The following POLR2F variants were observed in gnomAD, a reference collection of about 807,000 sequenced individuals.
POLR2F encodes the protein DNA-directed RNA polymerases I, II, and III subunit RPABC2.
POLR2F carries 12 observed loss-of-function variants against 22.7 expected under a neutral mutation model. That is an observed-to-expected ratio of 0.53 (90% CI 0.34 to 0.86). The LOEUF (loss-of-function observed/expected upper bound fraction) is 0.86, where lower values mean the gene tolerates loss of function less well. POLR2F is among the 40% of genes least tolerant of loss of function. The probability of loss-of-function intolerance (pLI) is 0.02; values close to 1 mark genes in which losing one functional copy is unlikely to be tolerated. For missense variants in POLR2F, 126 were observed against 171.5 expected, an observed-to-expected ratio of 0.73 and a Z score of 1.48; for synonymous variants, 57 against 66.0, an observed-to-expected ratio of 0.86 and a Z score of 0.66.
At chr22:38,038,419 C>T (rs2085137118) in intron 5 of POLR2F, among the ~76,000 whole-genome samples, 1 of 152,154 alleles carries the variant, frequency 6.6e-6, no homozygotes, top group Admixed American at 6.5e-5. Flanking sequence ...GGCCGGGTCA[C>T]AGGGCGGCTG....
At chr22:38,032,367 A>G (rs1197642456) in intron 5 of POLR2F, 1 of 152,346 alleles carries the variant, frequency 6.6e-6, no homozygotes, top group Non-Finnish European at 1.5e-5. Flanking sequence ...TCTTCCCAGG[A>G]GAGCTCTGGA....
At chr22:37,992,333 A>T (rs1655703995) in intron 1 of POLR2F, among the ~76,000 whole-genome samples, 1 of 151,948 alleles carries the variant, frequency 6.6e-6, no homozygotes, top group Non-Finnish European at 1.5e-5. Context: ...CAGCTTGGGG[A>T]TCTGCCGCCA....
intron 1 of POLR2F, chr22:38,025,773 G>A (rs754203934): frequency 1.2e-5 from 19 of 1,551,918 alleles, no homozygotes; most frequent in African/African-American, 2.7e-5. Context: ...CAGGATCCAG[G>A]GCACTCAATC....
intron 3 of POLR2F, among the ~76,000 whole-genome samples, chr22:37,959,991 A>C (rs1167163871): frequency 6.6e-6 from 1 of 151,596 alleles, no homozygotes; most frequent in African/African-American, 2.4e-5. Flanking sequence ...TTTAATAGAG[A>C]CGGGGTCTCG....
At chr22:37,998,075 T>G (rs2145795564) in intron 1 of POLR2F, among the ~76,000 whole-genome samples, 1 of 152,136 alleles carries the variant, frequency 6.6e-6, no homozygotes, top group Admixed American at 6.6e-5. Flanking sequence ...TGGAGGGGTA[T>G]GTTCTTCCCC....
chr22:37,982,909 T>G (rs747216997), upstream of POLR2F, among the ~76,000 whole-genome samples: 1 of 152,170 alleles, frequency 6.6e-6, no homozygotes, highest in East Asian at 1.9e-4. Flanking sequence ...TCTTTAAACC[T>G]CCCCTGAGTT....
chr22:38,033,230 G>A (rs2085083049), intron 5 of POLR2F: 1 of 152,124 alleles, frequency 6.6e-6, no homozygotes, highest in South Asian at 2.1e-4. Context: ...TTTGCACAGA[G>A]CTGTCCTCCC....
intron 1 of POLR2F, among the ~76,000 whole-genome samples, chr22:37,999,234 A>G (rs1171641223): frequency 1.3e-5 from 2 of 151,966 alleles, no homozygotes; most frequent in African/African-American, 4.8e-5. Context: ...CCTGAGTTGT[A>G]CCCTCTGTCC....
downstream of POLR2F, among the ~76,000 whole-genome samples, chr22:38,026,966 GGTGGGTGGATGGACGGGGAGGGGC>G (rs2085017678): frequency 1.3e-5 from 2 of 152,146 alleles, no homozygotes; most frequent in Non-Finnish European, 2.9e-5. Flanking sequence ...AGTGTGTGTG[GGTGGGTGGATGGACGGGGAGGGGC>G]GTGCATGGAG....
chr22:37,990,492 C>T (rs1258399528), intron 1 of POLR2F, among the ~76,000 whole-genome samples: 3 of 152,278 alleles, frequency 2.0e-5, no homozygotes, highest in Admixed American at 2.0e-4. Context: ...CTGGCGTCTG[C>T]CCTGAGCCTC....
chr22:38,029,044 C>T (rs1368000891), downstream of POLR2F, among the ~76,000 whole-genome samples: 1 of 152,106 alleles, frequency 6.6e-6, no homozygotes, highest in Non-Finnish European at 1.5e-5. Flanking sequence ...GAGAAGAGAA[C>T]ACCCTGAAAA....
intron 1 of POLR2F, among the ~76,000 whole-genome samples, chr22:37,999,146 C>G (rs1004228585): frequency 3.3e-5 from 5 of 152,142 alleles, no homozygotes; most frequent in African/African-American, 1.2e-4. Flanking sequence ...CCAGTCTGCC[C>G]CCATCTTTGC....
chr22:38,027,287 CA>C (rs2085022013), downstream of POLR2F, among the ~76,000 whole-genome samples: 1 of 152,150 alleles, frequency 6.6e-6, no homozygotes, highest in Non-Finnish European at 1.5e-5. Flanking sequence ...TCTAGGAAAG[CA>C]CGCTGAGTTC....
downstream of POLR2F, among the ~76,000 whole-genome samples, chr22:38,030,589 G>A (rs574543961): frequency 1.6e-4 from 24 of 152,306 alleles, no homozygotes; most frequent in East Asian, 3.9e-4. Context: ...ACCGGAGCCC[G>A]AGGATAGAAA....
chr22:37,967,086 C>A lies in POLR2F; in HGVS notation c.222-13C>A. On this transcript the variant is annotated splice_polypyrimidine_tract_variant and intron_variant, in intron 3 of 4. Coordinates refer to ENST00000442738, the MANE Select transcript of POLR2F (RefSeq NM_021974.5). Reference sequence around the variant, plus strand: ...GTTTGTAGTCTCCCTAACACCTGTCCCTATCCCTACAGGATGTGTGCCCCT... The same window carrying A: ...GTTTGTAGTCTCCCTAACACCTGTCACTATCCCTACAGGATGTGTGCCCCT... 1 of 1,605,146 alleles carries A rather than the reference C, an allele frequency of 6.2e-7. No homozygotes were observed. Among genetic ancestry groups the A allele is most frequent in the South Asian group, 1.1e-5 (1 of 90,622 alleles).
At chr22:38,039,029 G>A (rs968253130) in intron 5 of POLR2F, among the ~76,000 whole-genome samples, 1 of 152,144 alleles carries the variant, frequency 6.6e-6, no homozygotes, top group African/African-American at 2.4e-5. Flanking sequence ...CAGCCTCCGC[G>A]CCAGGCCTCG....
intron 3 of POLR2F, among the ~76,000 whole-genome samples, chr22:37,960,610 G>C (rs1931594645): frequency 6.6e-6 from 1 of 151,892 alleles, no homozygotes; most frequent in Non-Finnish European, 1.5e-5. Flanking sequence ...TGTTAGCCAG[G>C]GTGGTTGGTC....
rs957096010 is a variant in POLR2F, at chr22:37,980,612, A to C, written c.293+13442A>C. Reference sequence around the variant, plus strand: ...CCCAGCCTGCCCACCATGTAAACCCAATCTCCAGCACCAGTCCCCACTCAA... The same window carrying C: ...CCCAGCCTGCCCACCATGTAAACCCCATCTCCAGCACCAGTCCCCACTCAA... On this transcript the variant is annotated intron_variant, in intron 4 of 4. Coordinates refer to the POLR2F transcript ENST00000405557. The surrounding 1 kb of genome is among the most constrained non-coding windows in gnomAD (Gnocchi z 4.1). Among the ~76,000 whole-genome samples the C allele has an allele frequency of 2.0e-5, 3 of 151,762 alleles. No homozygotes were observed. Among genetic ancestry groups the C allele is most frequent in the Non-Finnish European group, 2.9e-5 (2 of 67,922 alleles).
At chr22:37,983,282 G>T, upstream of POLR2F, 1 of 1,505,968 alleles carries the variant, frequency 6.6e-7, no homozygotes, top group Non-Finnish European at 9.0e-7. The surrounding 1 kb of genome is among the most constrained non-coding windows in gnomAD (Gnocchi z 9.5). Flanking sequence ...AGGTGCAGGA[G>T]GCCGGGCCGC....
Sources: gnomAD v4.1 joint callset for allele counts (sites outside exome capture counted in the v4.1 genomes callset) on GRCh38, gnomAD v4.1.1 for gene constraint, Gnocchi (gnomAD v3.1) non-coding constraint, MANE v1.5 for transcripts, NCBI Gene and HGNC (gene_info 2026-07-23, HGNC 2026-07-21) for gene names.